CCN6: variants seen among roughly 807,000 people sequenced by gnomAD.
CCN6 encodes the protein cellular communication network factor 6.
In CCN6, 31 loss-of-function variants were observed where a neutral mutation model predicts 37.4. The observed-to-expected ratio is 0.83, with a 90% CI of 0.62 to 1.12. The LOEUF (loss-of-function observed/expected upper bound fraction) is 1.12, where lower values mean the gene tolerates loss of function less well. CCN6 is among the 50% of genes most tolerant of loss of function. The pLI, the probability that CCN6 is intolerant of heterozygous loss-of-function variation, is 0.00. For synonymous variants in CCN6, 137 were observed against 142.1 expected, an observed-to-expected ratio of 0.96 and a Z score of 0.26; for missense variants, 369 against 413.8, an observed-to-expected ratio of 0.89 and a Z score of 0.94.
intron 1 of CCN6, among the ~76,000 whole-genome samples, chr6:112,057,684 A>G (rs1395248151): frequency 2.0e-5 from 3 of 152,164 alleles, no homozygotes; most frequent in African/African-American, 7.2e-5. Context: ...GGAGAAGTCC[A>G]GGCTGGAAAT....
chr6:112,068,043 A>G (rs1345244896), intron 3 of CCN6, among the ~76,000 whole-genome samples, 162 bp from the exon 4 acceptor site: 2 of 152,128 alleles, frequency 1.3e-5, no homozygotes, highest in African/African-American at 4.8e-5. Flanking sequence ...GGGTTGGGAA[A>G]GAGGGAGATA....
rs587642449 is a variant in CCN6 at position 112,064,332 on chromosome 6, A to G, written c.347-423A>G. On this transcript the variant is annotated intron_variant, in intron 2 of 4. Coordinates refer to ENST00000368666, the MANE Select transcript of CCN6 (RefSeq NM_198239.2). ...CTCCTGCAATCTCTTAACAAAAACC[A>G]TCAGTACCTTGCGGTTCTGTAGTTA... Among the ~76,000 whole-genome samples the G allele has an allele frequency of 4.1e-4, 63 of 152,352 alleles. 1 individual carries two copies. The highest frequency in any genetic ancestry group is 1.5e-3 in the African/African-American group (63 of 41,576).
chr6:112,060,028 G>A (rs782405915), intron 1 of CCN6: 44 of 1,366,212 alleles, frequency 3.2e-5, no homozygotes, highest in Admixed American at 2.5e-4. Flanking sequence ...GATATCTAGG[G>A]GCAGAGTGTG....
In CCN6 at chr6:112,068,330, G is replaced by C. The variant is rs587617835; in HGVS notation, c.715G>C (p.Glu239Gln). The C allele has an allele frequency of 5.6e-6, 9 of 1,613,274 alleles. No individual in the cohort carries two copies. The Admixed American group carries it at 6.7e-5, about 12-fold the overall frequency. Residue 239 changes from glutamate to glutamine, a missense_variant, in exon 4 of 5, where the codon GAA becomes CAA. Coordinates refer to ENST00000368666, the MANE Select transcript of CCN6 (RefSeq NM_198239.2). ...GGTGACCAATGAAAACAGCAACTGT[G>C]AAATGAGAAAAGAGAAAAGACTGTG... ...NRVTNENSNC[E>Q]MRKEKRLCYI...
chr6:112,057,314 A>G (rs1393040902), intron 1 of CCN6, among the ~76,000 whole-genome samples: 2 of 152,240 alleles, frequency 1.3e-5, no homozygotes, highest in Non-Finnish European at 2.9e-5. Flanking sequence ...GAGAGGAGTA[A>G]TACAACCAGA....
chr6:112,054,148 A>C lies in CCN6; in HGVS notation c.-210A>C. On this transcript the variant is annotated 5_prime_UTR_variant, in exon 1 of 5. Transcript: ENST00000368666. ...CTCACTGCGAAGGCAGGTTATTAGA[A>C]GAGTCCCATGAAAGTAAACAGGGTA... The C allele has an allele frequency of 1.3e-6, 1 of 773,468 alleles. No individual in the cohort carries two copies. 47.9% of individuals were successfully genotyped at this position (773,468 alleles called of 1,614,324 possible).
rs1776459699 is a variant in CCN6, at chr6:112,059,906, C to T, written c.49-1085C>T. 4.7e-6 allele frequency: 6 copies of T among 1,288,252 alleles called. No homozygotes were observed. In the Admixed American group the frequency reaches 9.3e-5, roughly 20 times the overall value. The allele number at this position is 1,288,252 out of a possible 1,614,324, so 79.8% of individuals were successfully genotyped here. A position where few individuals can be genotyped will look rare whatever the true frequency, so the allele number is the denominator to read the frequency against. ...TGTAGGTAATAAGAAAGGTGGTAAA[C>T]TCTACGGTGAAAGGACTGGGATAGG... is the stretch of plus-strand genomic sequence containing the variant. On this transcript the variant is annotated intron_variant, in intron 1 of 4. Coordinates refer to ENST00000368666, the MANE Select transcript of CCN6 (RefSeq NM_198239.2).
chr6:112,055,957 A>G (rs1776337178), intron 1 of CCN6, among the ~76,000 whole-genome samples: 1 of 152,200 alleles, frequency 6.6e-6, no homozygotes, highest in Non-Finnish European at 1.5e-5. Context: ...TTAATCCCAT[A>G]TTACAGAGGA....
chr6:112,065,140 C>T (rs1390328020), intron 3 of CCN6, 143 bp downstream of exon 3: 1 of 1,335,652 alleles, frequency 7.5e-7, no homozygotes, highest in Non-Finnish European at 1.1e-6. Context: ...TTTACTTAAT[C>T]TTTGCCTCAG....
chr6:112,061,815 C>T (rs1385643705), intron 2 of CCN6, among the ~76,000 whole-genome samples: 2 of 152,284 alleles, frequency 1.3e-5, no homozygotes, highest in African/African-American at 4.8e-5. Flanking sequence ...TGACCCTCAG[C>T]CTTATGTGAC....
intron 3 of CCN6, among the ~76,000 whole-genome samples, chr6:112,065,506 C>T (rs1020460309): frequency 3.3e-5 from 5 of 151,824 alleles, no homozygotes; most frequent in South Asian, 2.1e-4. Flanking sequence ...ATAGAAATCT[C>T]GTAGGAAGTC....
intron 2 of CCN6, 78 bp downstream of exon 2, chr6:112,061,366 A>C: frequency 6.3e-7 from 1 of 1,596,800 alleles, no homozygotes; most frequent in Non-Finnish European, 8.6e-7. Context: ...GTTAGCTTGG[A>C]GTGATCAGCT....
At chr6:112,053,864 G>GC (rs782033933), upstream of CCN6, among the ~76,000 whole-genome samples, 2 of 145,934 alleles carry the variant, frequency 1.4e-5, no homozygotes, top group African/African-American at 5.1e-5. Context: ...GGTGCTGTTG[G>GC]TGGGGGGGCC....
At position 112,061,335 on chromosome 6, in the gene CCN6, G is replaced by T. The variant is rs200600329; in HGVS notation, c.346+47G>T. Reference sequence around the variant, plus strand: ...TGCTGGAAAAGATTGAGTCTAGACAGAATTTTTTTTTCCTGCAATTGTTAG... The same window carrying T: ...TGCTGGAAAAGATTGAGTCTAGACATAATTTTTTTTTCCTGCAATTGTTAG... On this transcript the variant is annotated intron_variant, in intron 2 of 4. Coordinates refer to ENST00000368666, the MANE Select transcript of CCN6 (RefSeq NM_198239.2). The T allele has an allele frequency of 3.1e-6, 5 of 1,613,516 alleles. No individual in the cohort carries two copies. In the Admixed American group the frequency reaches 6.7e-5, roughly 22 times the overall value.
At chr6:112,056,869 CT>C (rs1776363216) in intron 1 of CCN6, among the ~76,000 whole-genome samples, 1 of 151,392 alleles carries the variant, frequency 6.6e-6, no homozygotes, top group African/African-American at 2.4e-5. Context: ...TTTTTTTTTC[CT>C]TTCAACATTG....
upstream of CCN6, among the ~76,000 whole-genome samples, chr6:112,053,514 C>A (rs1182840701): frequency 2.0e-5 from 3 of 151,178 alleles, no homozygotes; most frequent in African/African-American, 4.9e-5. Context: ...ATCATATTGG[C>A]CAGGCTTATT....
intron 3 of CCN6, among the ~76,000 whole-genome samples, chr6:112,065,402 A>G (rs1414831679): frequency 1.3e-5 from 2 of 152,166 alleles, no homozygotes; most frequent in Non-Finnish European, 2.9e-5. Flanking sequence ...AAAAGGTAAC[A>G]TTTCTATGTG....
Position 112,064,742 on chromosome 6 carries a change from T to C in CCN6, c.347-13T>C, listed in dbSNP as rs1554313510. 6.2e-7 allele frequency: 1 copy of C among 1,613,978 alleles called. No individual in the cohort carries two copies. The highest frequency in any genetic ancestry group is 8.5e-7 in the Non-Finnish European group (1 of 1,179,892). On this transcript the variant is annotated splice_polypyrimidine_tract_variant and intron_variant, in intron 2 of 4. Transcript: ENST00000368666. ...ATGGCTTCTTTGGCAATTTTGCTCT[T>C]TTCTCTTTTCAGACCTTGTAGCTGT...
chr6:112,061,406 T>G (rs1554312864), intron 2 of CCN6, 118 bp downstream of exon 2: 5 of 1,316,738 alleles, frequency 3.8e-6, no homozygotes, highest in Non-Finnish European at 2.2e-6. Context: ...GTGGGTTTAG[T>G]TTTCATGCAC....
Sources: gnomAD v4.1 joint callset for allele counts (sites outside exome capture counted in the v4.1 genomes callset) on GRCh38, gnomAD v4.1.1 for gene constraint, MANE v1.5 for transcripts, NCBI Gene and HGNC (gene_info 2026-07-23, HGNC 2026-07-21) for gene names.